POU6F2: variants seen among roughly 807,000 people sequenced by gnomAD.
POU6F2 encodes POU class 6 homeobox 2.
Under a neutral mutation model 71.3 loss-of-function variants are expected in POU6F2, and 31 were observed. The observed-to-expected ratio is 0.43, with a 90% CI of 0.33 to 0.59. The LOEUF is 0.59. Ranked by LOEUF, POU6F2 falls within the 20% of genes least tolerant of loss-of-function variation. The probability of loss-of-function intolerance (pLI) is 0.04; values close to 1 mark genes in which losing one functional copy is unlikely to be tolerated. For synonymous variants in POU6F2, 347 were observed against 355.7 expected (o/e 0.98, Z 0.27); for missense variants, 783 against 856.8 (o/e 0.91, Z 1.07).
At chr7:39,016,610 A>G (rs1789555209) in intron 1 of POU6F2, among the ~76,000 whole-genome samples, 2 of 152,152 alleles carry the variant, frequency 1.3e-5, no homozygotes, top group Non-Finnish European at 2.9e-5. Flanking sequence ...TCAAATATTT[A>G]TATTTACATA....
intron 4 of POU6F2, among the ~76,000 whole-genome samples, chr7:39,225,425 A>C (rs1250157411): frequency 1.3e-5 from 2 of 152,246 alleles, no homozygotes; most frequent in African/African-American, 4.8e-5. Context: ...CAAAAGCACA[A>C]GATTACCTTT....
chr7:39,183,603 A>T (rs966781960), intron 2 of POU6F2, among the ~76,000 whole-genome samples: 6 of 152,312 alleles, frequency 3.9e-5, no homozygotes, highest in African/African-American at 1.4e-4. Flanking sequence ...ATAACTGGAC[A>T]TGAGATTTGG....
intron 1 of POU6F2, among the ~76,000 whole-genome samples, chr7:39,034,013 G>C (rs1449264245): frequency 6.6e-6 from 1 of 152,102 alleles, no homozygotes; most frequent in East Asian, 1.9e-4. Context: ...TTCAGTGTGC[G>C]TAAATAACTT....
intron 1 of POU6F2, among the ~76,000 whole-genome samples, chr7:38,994,256 G>A (rs1051115035): frequency 3.3e-5 from 5 of 152,060 alleles, no homozygotes; most frequent in African/African-American, 1.2e-4. Context: ...GGTCAGGAAA[G>A]CCAGGCAGAG....
chr7:39,236,760 C>A (rs1276711260), intron 4 of POU6F2, among the ~76,000 whole-genome samples: 1 of 152,114 alleles, frequency 6.6e-6, no homozygotes, highest in African/African-American at 2.4e-5. Context: ...CAAAGGGAAA[C>A]TACCCAACTC....
intron 5 of POU6F2, among the ~76,000 whole-genome samples, chr7:39,402,982 T>G (rs1238898161): frequency 6.6e-6 from 1 of 152,238 alleles, no homozygotes; most frequent in East Asian, 1.9e-4. Flanking sequence ...TCTAAAACTT[T>G]TGAGTGCATT....
At chr7:39,095,636 A>G (rs2128722634) in intron 2 of POU6F2, among the ~76,000 whole-genome samples, 1 of 152,296 alleles carries the variant, frequency 6.6e-6, no homozygotes, top group East Asian at 1.9e-4. Context: ...GAGGTCTGAG[A>G]AAAGATCTTG....
chr7:39,364,191 A>G (rs1786450511), intron 5 of POU6F2, among the ~76,000 whole-genome samples: 1 of 151,590 alleles, frequency 6.6e-6, no homozygotes, highest in Admixed American at 6.6e-5. Flanking sequence ...ACACAGACAT[A>G]GTTGCTGCAG....
intron 4 of POU6F2, among the ~76,000 whole-genome samples, chr7:39,223,780 C>T (rs1161870955): frequency 6.6e-6 from 1 of 152,176 alleles, no homozygotes; most frequent in Admixed American, 6.5e-5. Flanking sequence ...GGGAGCTACT[C>T]TCTCATCAGT....
chr7:39,267,452 G>C lies in POU6F2; in HGVS notation c.598+59832G>C, dbSNP rs142571078. Among the ~76,000 whole-genome samples, 4 of 152,296 alleles carry C rather than the reference G, an allele frequency of 2.6e-5. No homozygotes were observed. The East Asian group carries it at 7.7e-4, about 29-fold the overall frequency. On this transcript the variant is annotated intron_variant, in intron 4 of 9. Transcript: ENST00000518318. ...CCAGGCCCTAGGGAGGCAGCAGGGA[G>C]CCCCGCATCTGTTGCCTGTCACTGA...
intron 1 of POU6F2, among the ~76,000 whole-genome samples, chr7:38,979,976 A>G (rs1356030650): frequency 2.0e-5 from 3 of 152,198 alleles, no homozygotes; most frequent in Non-Finnish European, 2.9e-5. Context: ...ACTTAAAAAA[A>G]TGAATCAGGA....
chr7:39,297,464 A>T (rs943002259), intron 4 of POU6F2, among the ~76,000 whole-genome samples: 13 of 152,180 alleles, frequency 8.5e-5, no homozygotes, highest in African/African-American at 2.9e-4. Context: ...GCCTCAGACC[A>T]ATCTCTTATC....
At chr7:39,010,562 C>T (rs1789244867) in intron 1 of POU6F2, among the ~76,000 whole-genome samples, 2 of 147,346 alleles carry the variant, frequency 1.4e-5, no homozygotes, top group Admixed American at 6.8e-5. Flanking sequence ...TTGCCTTCTG[C>T]TAGCTTTTGA....
At chr7:39,047,531 G>A (rs73371323) in intron 1 of POU6F2, among the ~76,000 whole-genome samples, 3,237 of 151,684 alleles carry the variant, frequency 0.021, 80 homozygotes, top group African/African-American at 0.061. Context: ...TATTTGCAAC[G>A]ACAATAGATT....
At chr7:39,389,259 T>G (rs1471358096) in intron 5 of POU6F2, among the ~76,000 whole-genome samples, 2 of 152,316 alleles carry the variant, frequency 1.3e-5, no homozygotes, top group African/African-American at 4.8e-5. Context: ...AGAACAATAG[T>G]TCTACATGTT....
chr7:39,120,355 A>G (rs1306097798), intron 2 of POU6F2, among the ~76,000 whole-genome samples: 1 of 152,184 alleles, frequency 6.6e-6, no homozygotes, highest in Non-Finnish European at 1.5e-5. Flanking sequence ...ATAATTATTT[A>G]AAGCACAGGA....
intron 4 of POU6F2, among the ~76,000 whole-genome samples, chr7:39,231,786 C>T (rs1021754580): frequency 1.3e-5 from 2 of 151,926 alleles, no homozygotes; most frequent in Admixed American, 6.6e-5. Flanking sequence ...GTGTGCGCCC[C>T]ACTGGCCCTC....
At chr7:39,201,901 C>A (rs914778111) in intron 2 of POU6F2, among the ~76,000 whole-genome samples, 9 of 152,154 alleles carry the variant, frequency 5.9e-5, no homozygotes, top group African/African-American at 1.9e-4. Flanking sequence ...AGTTTATGGT[C>A]CTGCAAGGTT....
At chr7:39,393,652 C>T (rs1390056334) in intron 5 of POU6F2, among the ~76,000 whole-genome samples, 1 of 152,098 alleles carries the variant, frequency 6.6e-6, no homozygotes, top group Non-Finnish European at 1.5e-5. Flanking sequence ...AAATATATAT[C>T]GTATGGCCCA....
Sources: gnomAD v4.1 joint callset for allele counts (sites outside exome capture counted in the v4.1 genomes callset) on GRCh38, gnomAD v4.1.1 for gene constraint, MANE v1.5 for transcripts, NCBI Gene and HGNC (gene_info 2026-07-23, HGNC 2026-07-21) for gene names.